Variants in GPC5 observed in about 807,000 individuals in gnomAD.
GPC5 encodes glypican-5.
Under a neutral mutation model 53.9 loss-of-function variants are expected in GPC5, and 47 were observed. The ratio of observed to expected loss-of-function variants is 0.87; its 90% confidence interval spans 0.69 to 1.11. The LOEUF is 1.11. Ranked by LOEUF, GPC5 falls within the 50% of genes most tolerant of loss-of-function variation. The pLI is 0.00. For synonymous variants in GPC5, 286 were observed against 263.3 expected, an observed-to-expected ratio of 1.09 and a Z score of -0.84; for missense variants, 748 against 713.1, an observed-to-expected ratio of 1.05 and a Z score of -0.56.
chr13:91,860,449 C>A (rs200493586), intron 5 of GPC5, among the ~76,000 whole-genome samples: 15 of 99,882 alleles, frequency 1.5e-4, no homozygotes, highest in African/African-American at 4.5e-4. Context: ...ATATATATAT[C>A]TATCCTTCCT....
At position 91,908,814 on chromosome 13, in the gene GPC5, A is replaced by C. The variant is rs371450434; in HGVS notation, c.1401+757A>C. Among the ~76,000 whole-genome samples the C allele has an allele frequency of 1.3e-4, 20 of 152,204 alleles. No homozygotes were observed. The East Asian group carries it at 3.7e-3, about 28-fold the overall frequency. Reference sequence around the variant, plus strand: ...ATTTTTCAAAAATTTATATTTGAACATACTTTCATTTTTCCTAAGCAAAAC... The same window carrying C: ...ATTTTTCAAAAATTTATATTTGAACCTACTTTCATTTTTCCTAAGCAAAAC... On this transcript the variant is annotated intron_variant, in intron 6 of 7. Transcript: ENST00000377067.
At chr13:92,478,062 T>G (rs565165639) in intron 7 of GPC5, among the ~76,000 whole-genome samples, 2 of 152,192 alleles carry the variant, frequency 1.3e-5, no homozygotes, top group African/African-American at 2.4e-5. Flanking sequence ...CCTGTTTCCC[T>G]TATTGCTGCC....
chr13:91,511,634 C>G (rs1320253088), intron 2 of GPC5, among the ~76,000 whole-genome samples: 3 of 152,102 alleles, frequency 2.0e-5, no homozygotes, highest in African/African-American at 2.4e-5. Context: ...TCTGCTCTTT[C>G]CACTCTGATA....
At chr13:91,864,796 C>T (rs533652966) in intron 5 of GPC5, among the ~76,000 whole-genome samples, 1 of 152,032 alleles carries the variant, frequency 6.6e-6, no homozygotes, top group Non-Finnish European at 1.5e-5. Flanking sequence ...AAAGGATATT[C>T]CAAACCAAAA....
At chr13:92,828,263 C>T (rs1284887183) in intron 7 of GPC5, among the ~76,000 whole-genome samples, 1 of 152,110 alleles carries the variant, frequency 6.6e-6, no homozygotes, top group African/African-American at 2.4e-5. Flanking sequence ...CCCCACACAC[C>T]TGCATGGTGG....
At chr13:92,093,174 A>G (rs1052457076) in intron 6 of GPC5, among the ~76,000 whole-genome samples, 1 of 152,162 alleles carries the variant, frequency 6.6e-6, no homozygotes, top group Non-Finnish European at 1.5e-5. Flanking sequence ...TACTCTAGAA[A>G]AGTCTATAAA....
At chr13:92,010,722 A>T (rs925329793) in intron 6 of GPC5, among the ~76,000 whole-genome samples, 1 of 152,164 alleles carries the variant, frequency 6.6e-6, no homozygotes, top group African/African-American at 2.4e-5. Flanking sequence ...ACAGCAAGAG[A>T]ATGGTCATCT....
intron 1 of GPC5, among the ~76,000 whole-genome samples, chr13:91,416,886 A>G (rs1878273321): frequency 6.6e-6 from 1 of 152,134 alleles, no homozygotes; most frequent in South Asian, 2.1e-4. Flanking sequence ...AGTCTTTGCT[A>G]TTGTGAATAG....
At chr13:92,418,841 G>T (rs1876434107) in intron 7 of GPC5, among the ~76,000 whole-genome samples, 1 of 152,168 alleles carries the variant, frequency 6.6e-6, no homozygotes, top group South Asian at 2.1e-4. Flanking sequence ...GAAACAGGTA[G>T]AAAAATAGGT....
chr13:92,321,173 G>C (rs939271904), intron 7 of GPC5, among the ~76,000 whole-genome samples: 1 of 152,134 alleles, frequency 6.6e-6, no homozygotes, highest in African/African-American at 2.4e-5. Context: ...TACATTATTG[G>C]TTTGGTTACT....
intron 5 of GPC5, among the ~76,000 whole-genome samples, chr13:91,775,365 T>C (rs1299459154): frequency 6.6e-6 from 1 of 152,148 alleles, no homozygotes; most frequent in Admixed American, 6.5e-5. Context: ...GGGCCTCATT[T>C]TTCCCCCCTC....
chr13:91,839,911 A>C (rs1329824978), intron 5 of GPC5, among the ~76,000 whole-genome samples: 1 of 152,158 alleles, frequency 6.6e-6, no homozygotes, highest in African/African-American at 2.4e-5. Context: ...CATGGCAACG[A>C]AGGCATCTAT....
At chr13:92,826,715 A>G (rs1413731919) in intron 7 of GPC5, among the ~76,000 whole-genome samples, 1 of 152,180 alleles carries the variant, frequency 6.6e-6, no homozygotes, top group African/African-American at 2.4e-5. Context: ...TCTAACATCA[A>G]TGCCTACACT....
At position 92,382,698 on chromosome 13, in the gene GPC5, T is replaced by C. The variant is rs554013145; in HGVS notation, c.1561+237709T>C. 3.9e-5 allele frequency among the ~76,000 whole-genome samples: 6 copies of C among 152,232 alleles called. No individual in the cohort carries two copies. In the South Asian group the frequency reaches 1.2e-3, roughly 32 times the overall value. On this transcript the variant is annotated intron_variant, in intron 7 of 7. Coordinates refer to ENST00000377067, the MANE Select transcript of GPC5 (RefSeq NM_004466.6). ...CTCATCAGTTAATAGAACAGGCACA[T>C]TATAATGCACATCATAAGAAATCGC...
At chr13:91,915,063 C>T (rs928121821) in intron 6 of GPC5, among the ~76,000 whole-genome samples, 3 of 152,160 alleles carry the variant, frequency 2.0e-5, no homozygotes, top group Non-Finnish European at 4.4e-5. Context: ...AACACTCTGA[C>T]TCCTTTCCCC....
chr13:91,827,888 C>T (rs1012301573), intron 5 of GPC5, among the ~76,000 whole-genome samples: 11 of 152,042 alleles, frequency 7.2e-5, no homozygotes, highest in South Asian at 2.1e-4. Flanking sequence ...CTTGTTTATA[C>T]GTACTCACAG....
At chr13:92,070,268 A>G (rs2041200306) in intron 6 of GPC5, among the ~76,000 whole-genome samples, 1 of 152,224 alleles carries the variant, frequency 6.6e-6, no homozygotes. Context: ...TTGGAAGCAG[A>G]CCTTTCCTCA....
intron 5 of GPC5, among the ~76,000 whole-genome samples, chr13:91,887,298 G>A (rs548358588): frequency 5.3e-5 from 8 of 152,250 alleles, no homozygotes; most frequent in African/African-American, 1.9e-4. Context: ...AGGGCACCAA[G>A]TCTCTAGGCT....
At chr13:92,032,184 G>A (rs1434809650) in intron 6 of GPC5, among the ~76,000 whole-genome samples, 3 of 149,662 alleles carry the variant, frequency 2.0e-5, no homozygotes, top group Non-Finnish European at 3.0e-5. Context: ...ACTCAGGAAT[G>A]GAAAACCAAA....
Sources: allele counts gnomAD v4.1 joint callset (sites outside exome capture counted in the v4.1 genomes callset), GRCh38; gene constraint gnomAD v4.1.1; transcripts MANE v1.5; gene names NCBI Gene and HGNC (gene_info 2026-07-23, HGNC 2026-07-21).